Variants in LIMD1 observed in about 807,000 individuals in gnomAD.
The protein encoded by LIMD1 is LIM domain containing 1.
Under a neutral mutation model 58.4 loss-of-function variants are expected in LIMD1, and 23 were observed. The observed-to-expected ratio is 0.39, with a 90% CI of 0.28 to 0.56. The LOEUF is 0.56. LIMD1 is among the 20% of genes least tolerant of loss of function. The pLI is 0.57. For missense variants in LIMD1, 838 were observed against 855.5 expected (o/e 0.98, Z 0.25); for synonymous variants, 334 against 345.5 (o/e 0.97, Z 0.37).
chr3:45,609,092 C>T (rs919868959), intron 1 of LIMD1, among the ~76,000 whole-genome samples: 6 of 152,188 alleles, frequency 3.9e-5, no homozygotes, highest in African/African-American at 1.4e-4. Context: ...TAGGTATTTT[C>T]TCCATAACTT....
intron 1 of LIMD1, among the ~76,000 whole-genome samples, chr3:45,600,435 T>C (rs556647942): frequency 6.6e-6 from 1 of 152,292 alleles, no homozygotes; most frequent in South Asian, 2.1e-4. Flanking sequence ...GCACTTTCCA[T>C]GGCTGGTCTT....
intron 1 of LIMD1, among the ~76,000 whole-genome samples, chr3:45,616,698 A>G (rs889976373): frequency 3.3e-5 from 5 of 151,918 alleles, no homozygotes; most frequent in Admixed American, 3.3e-4. Flanking sequence ...TCACAAGCAA[A>G]TCATGCCTGT....
chr3:45,649,185 A>G (rs1401871063), intron 2 of LIMD1, among the ~76,000 whole-genome samples: 2 of 152,154 alleles, frequency 1.3e-5, no homozygotes, highest in Non-Finnish European at 2.9e-5. Flanking sequence ...ACTAATAAGA[A>G]AAAAGTCTCA....
rs1701319316 is a variant in LIMD1, at chr3:45,594,804, C to CACACACACACACACACGGCACCTGG, written c.-60_-59insGGCACCTGGACACACACACACACAC. 1.6e-5 allele frequency: 5 copies of CACACACACACACACACGGCACCTGG among 313,594 alleles called. No homozygotes were observed. Among genetic ancestry groups the CACACACACACACACACGGCACCTGG allele is most frequent in the African/African-American group, 1.1e-4 (5 of 43,578 alleles). 19.4% of individuals were successfully genotyped at this position (313,594 alleles called of 1,614,324 possible). A position where few individuals can be genotyped will look rare whatever the true frequency, so the allele number is the denominator to read the frequency against. On this transcript the variant is annotated 5_prime_UTR_variant, in exon 1 of 8. Transcript: ENST00000273317. ...ACACACACACACACACACACACACA[C>CACACACACACACACACGGCACCTGG]ACACACACACACACACACACACACA... is the stretch of plus-strand genomic sequence containing the variant.
At chr3:45,627,370 A>G (rs899005145) in intron 1 of LIMD1, among the ~76,000 whole-genome samples, 2 of 152,242 alleles carry the variant, frequency 1.3e-5, no homozygotes, top group Admixed American at 1.3e-4. Context: ...GATTTTGCGC[A>G]TTAGATTTAA....
chr3:45,653,683 C>A (rs1472549002), intron 2 of LIMD1, among the ~76,000 whole-genome samples: 1 of 151,936 alleles, frequency 6.6e-6, no homozygotes, highest in African/African-American at 2.4e-5. Context: ...GCTGAGGTAG[C>A]CAGATCACCT....
chr3:45,654,830 A>AAAAAG (rs1702011447), intron 2 of LIMD1, among the ~76,000 whole-genome samples: 1 of 148,790 alleles, frequency 6.7e-6, no homozygotes, highest in Non-Finnish European at 1.5e-5. Flanking sequence ...AAAAAAAAAA[A>AAAAAG]AAAAGAAAAA....
At chr3:45,669,725 A>G (rs1253993711) in intron 4 of LIMD1, among the ~76,000 whole-genome samples, 2 of 152,208 alleles carry the variant, frequency 1.3e-5, no homozygotes, top group African/African-American at 4.8e-5. Context: ...AGCTTCATCC[A>G]TGCTGTTACC....
At chr3:45,640,975 T>C (rs910612167) in intron 2 of LIMD1, among the ~76,000 whole-genome samples, 4 of 152,238 alleles carry the variant, frequency 2.6e-5, no homozygotes, top group African/African-American at 9.6e-5. Flanking sequence ...CGGCTTCTCT[T>C]AGACACTGGA....
intron 1 of LIMD1, among the ~76,000 whole-genome samples, chr3:45,619,179 AT>A (rs943432125): frequency 1.3e-5 from 2 of 151,230 alleles, no homozygotes; most frequent in Non-Finnish European, 3.0e-5. Flanking sequence ...TTTATCTATT[AT>A]TTTTTTTTCT....
At chr3:45,631,986 G>A (rs541864226) in intron 1 of LIMD1, among the ~76,000 whole-genome samples, 1 of 152,290 alleles carries the variant, frequency 6.6e-6, no homozygotes, top group South Asian at 2.1e-4. Context: ...TGGAAAGGGT[G>A]GGCATGCCAT....
intron 2 of LIMD1, among the ~76,000 whole-genome samples, chr3:45,642,749 C>T (rs1377081192): frequency 1.3e-5 from 2 of 152,230 alleles, no homozygotes; most frequent in Admixed American, 6.5e-5. Flanking sequence ...CCAGCATCTT[C>T]GTGCAGCATC....
chr3:45,658,291 T>A lies in LIMD1; in HGVS notation c.1511-7359T>A, dbSNP rs529153933. Among the ~76,000 whole-genome samples the A allele has an allele frequency of 2.6e-5, 4 of 152,254 alleles. No individual in the cohort carries two copies. The East Asian group carries it at 7.7e-4, about 29-fold the overall frequency. ...TTAGGTCAGTGGGGGAGTCTCAGTTTTTTAAAATTTGGAATAAAGGAAAAT... is the reference window on the plus strand; with the variant it reads ...TTAGGTCAGTGGGGGAGTCTCAGTTATTTAAAATTTGGAATAAAGGAAAAT... On this transcript the variant is annotated intron_variant, in intron 2 of 7. Coordinates refer to ENST00000273317, the MANE Select transcript of LIMD1 (RefSeq NM_014240.3).
chr3:45,596,794 G>A (rs1559511648), intron 1 of LIMD1, among the ~76,000 whole-genome samples: 1 of 151,730 alleles, frequency 6.6e-6, no homozygotes, highest in African/African-American at 2.4e-5. Flanking sequence ...GTGTCTGTGT[G>A]TAGATGGGTA....
intron 1 of LIMD1, among the ~76,000 whole-genome samples, chr3:45,631,670 G>A (rs1381076565): frequency 6.6e-6 from 1 of 152,164 alleles, no homozygotes; most frequent in East Asian, 1.9e-4. Context: ...AGAAGAGAGT[G>A]TAGCTGAGCA....
rs751314579 is a variant in LIMD1, at chr3:45,596,236, A to G, written c.1357A>G (p.Thr453Ala). The change falls in exon 1 of 8, where the codon ACC becomes GCC. Residue 453 changes from threonine to alanine, a missense_variant. Physicochemically the swap from Thr to Ala is moderately conservative, Grantham distance 58. Around this residue, in one of 3 missense-constraint regions of LIMD1, gnomAD observed 659 missense variants for 639.8 expected, o/e 1.03. Coordinates refer to ENST00000273317, the MANE Select transcript of LIMD1 (RefSeq NM_014240.3). ...SAAELKLEAL[T>A]QRLEREMDAH... is the part of the protein sequence containing the mutation. ...TGCTGAGTTGAAATTAGAAGCCCTC[A>G]CCCAACGTCTGGAGCGAGAGATGGA... 37 of 1,612,562 alleles carry G rather than the reference A, an allele frequency of 2.3e-5. No individual in the cohort carries two copies. The highest frequency in any genetic ancestry group is 3.1e-5 in the Non-Finnish European group (37 of 1,179,580).
chr3:45,674,284 A>T, intron 6 of LIMD1, 59 bp from the exon 7 acceptor site: 1 of 1,416,376 alleles, frequency 7.1e-7, no homozygotes, highest in Non-Finnish European at 1.0e-6. Flanking sequence ...CGGTACATCA[A>T]GCCCGACAGC....
chr3:45,658,057 G>C (rs963643411), intron 2 of LIMD1, among the ~76,000 whole-genome samples: 1 of 152,162 alleles, frequency 6.6e-6, no homozygotes, highest in Non-Finnish European at 1.5e-5. Context: ...GTGTGGCAAA[G>C]TTTTCAAGCA....
chr3:45,606,447 G>A (rs2125649330), intron 1 of LIMD1, among the ~76,000 whole-genome samples: 1 of 152,340 alleles, frequency 6.6e-6, no homozygotes, highest in East Asian at 1.9e-4. Flanking sequence ...GTGGAGGCAT[G>A]CCTGAGCTGA....
Sources: gnomAD v4.1 joint callset for allele counts (sites outside exome capture counted in the v4.1 genomes callset) on GRCh38, gnomAD v4.1.1 for gene constraint, gnomAD v4.1.1 regional missense constraint, MANE v1.5 for transcripts, NCBI Gene and HGNC (gene_info 2026-07-23, HGNC 2026-07-21) for gene names.